DNM3: variants seen among roughly 807,000 people sequenced by gnomAD.
DNM3 encodes dynamin 3, also known as dynamin-3.
A neutral mutation model predicts 101.6 loss-of-function variants in DNM3; 47 were observed. That is an observed-to-expected ratio of 0.46 (90% confidence interval 0.37 to 0.59). The LOEUF (loss-of-function observed/expected upper bound fraction) is 0.59, where lower values mean the gene tolerates loss of function less well. DNM3 is among the 20% of genes least tolerant of loss of function. The pLI, the probability that DNM3 is intolerant of heterozygous loss-of-function variation, is 0.00. For synonymous variants in DNM3, 385 were observed against 387.9 expected (o/e 0.99, Z 0.09); for missense variants, 849 against 1,085.7 (o/e 0.78, Z 3.06).
chr1:172,310,027 C>A (rs2065013866), intron 16 of DNM3: 1 of 152,216 alleles, frequency 6.6e-6, no homozygotes, highest in African/African-American at 2.4e-5. Flanking sequence ...AAACTAGATG[C>A]TTTCCTGTCA....
At chr1:172,070,466 G>C (rs1011918251) in intron 11 of DNM3, among the ~76,000 whole-genome samples, 4 of 152,150 alleles carry the variant, frequency 2.6e-5, no homozygotes, top group Middle Eastern at 3.4e-3. Context: ...AACTCTTTAG[G>C]ATCCGCTGTC....
At chr1:172,027,605 C>G (rs927164658) in intron 4 of DNM3, among the ~76,000 whole-genome samples, 2 of 138,332 alleles carry the variant, frequency 1.4e-5, no homozygotes, top group Non-Finnish European at 3.1e-5. Context: ...CACACACACA[C>G]ACACACACAC....
At chr1:172,245,736 G>A (rs1183872124) in intron 14 of DNM3, among the ~76,000 whole-genome samples, 10 of 152,170 alleles carry the variant, frequency 6.6e-5, no homozygotes, top group African/African-American at 1.2e-4. Flanking sequence ...CCAGCCAGAC[G>A]GAGGTCAGGG....
intron 14 of DNM3, among the ~76,000 whole-genome samples, chr1:172,153,771 C>T (rs2058233451): frequency 1.3e-5 from 2 of 152,076 alleles, no homozygotes; most frequent in African/African-American, 2.4e-5. Flanking sequence ...TTCTTAAAAA[C>T]AAATAGCTCC....
chr1:172,319,797 G>A (rs981556106), intron 16 of DNM3, among the ~76,000 whole-genome samples: 2 of 152,164 alleles, frequency 1.3e-5, no homozygotes, highest in African/African-American at 4.8e-5. Flanking sequence ...CTGTAAACTA[G>A]TTCAACCATT....
chr1:172,351,206 C>T (rs1457963004), intron 17 of DNM3, among the ~76,000 whole-genome samples: 4 of 152,084 alleles, frequency 2.6e-5, no homozygotes, highest in South Asian at 2.1e-4. Context: ...AGATATTACA[C>T]CTTTTGCTTC....
intron 4 of DNM3, among the ~76,000 whole-genome samples, chr1:171,999,981 A>G (rs1349180749): frequency 6.6e-6 from 1 of 152,110 alleles, no homozygotes; most frequent in African/African-American, 2.4e-5. Context: ...ACTGTGAGAC[A>G]ACAAATTCCT....
At chr1:171,870,432 C>G (rs899252414) in intron 1 of DNM3, among the ~76,000 whole-genome samples, 8 of 151,908 alleles carry the variant, frequency 5.3e-5, no homozygotes, top group African/African-American at 1.9e-4. Context: ...GAGTAAGACT[C>G]CCTCCATCTC....
chr1:172,400,395 T>C (rs1269792259), intron 20 of DNM3, among the ~76,000 whole-genome samples: 1 of 148,664 alleles, frequency 6.7e-6, no homozygotes, highest in Admixed American at 6.7e-5. Context: ...GGAGGGGGGA[T>C]AGAAGGGAGA....
rs549692897 is a variant in DNM3, at chr1:172,253,609, C to T, written c.1696C>T (p.Leu566=). The part of the protein sequence containing the change: ...EKKYMLPLDN[L]KVRDVEKSFM... ...GAAGTACATGCTTCCCTTGGACAAC[C>T]TGAAAGTTCGGGATGTGGAAAAGAG... Residue 566 remains leucine (L), a synonymous_variant, in exon 15 of 21, where the codon CTG becomes TTG. Transcript: ENST00000627582. The T allele has an allele frequency of 1.9e-6, 3 of 1,589,822 alleles. No homozygotes were observed.
chr1:171,968,201 A>T (rs1357227638), intron 2 of DNM3, among the ~76,000 whole-genome samples: 1 of 152,344 alleles, frequency 6.6e-6, no homozygotes, highest in East Asian at 1.9e-4. Context: ...TCTGCTATTG[A>T]GGCTTCTAAT....
chr1:171,953,783 G>A (rs1009800992), intron 2 of DNM3, among the ~76,000 whole-genome samples: 1 of 152,098 alleles, frequency 6.6e-6, no homozygotes. Context: ...AATTTTAACT[G>A]AAGGATTTCT....
chr1:172,019,630 G>C (rs1032245199), intron 4 of DNM3, among the ~76,000 whole-genome samples: 2 of 150,242 alleles, frequency 1.3e-5, no homozygotes, highest in African/African-American at 4.9e-5. Context: ...CACCATTCTT[G>C]GATATTCTGT....
At chr1:172,005,257 A>G (rs1005020698) in intron 4 of DNM3, among the ~76,000 whole-genome samples, 4 of 152,118 alleles carry the variant, frequency 2.6e-5, no homozygotes, top group African/African-American at 9.7e-5. Context: ...AGTACTTAGT[A>G]CAGTGTCTGG....
intron 3 of DNM3, among the ~76,000 whole-genome samples, chr1:171,988,697 A>G (rs1406042942): frequency 1.3e-5 from 2 of 152,164 alleles, no homozygotes; most frequent in Non-Finnish European, 2.9e-5. Flanking sequence ...TTCTGAGCAA[A>G]CTGTTAGGCA....
intron 18 of DNM3, 104 bp from the exon 19 acceptor site, chr1:172,387,029 A>G (rs2069222619): frequency 1.0e-6 from 1 of 958,514 alleles, no homozygotes; most frequent in Admixed American, 2.2e-5. Flanking sequence ...ACTTTGGTGG[A>G]CTTTGGTGGA....
intron 1 of DNM3, among the ~76,000 whole-genome samples, chr1:171,865,128 C>T (rs2034586824): frequency 7.6e-6 from 1 of 130,970 alleles, no homozygotes; most frequent in South Asian, 2.3e-4. Flanking sequence ...GAGGTGGCTT[C>T]CTACAAACTA....
chr1:172,112,685 T>C (rs2147956027), intron 13 of DNM3, among the ~76,000 whole-genome samples: 1 of 152,238 alleles, frequency 6.6e-6, no homozygotes, highest in East Asian at 1.9e-4. Context: ...AGGGGAGAAT[T>C]TAATAGCATA....
chr1:172,203,615 T>C (rs2060227014), intron 14 of DNM3, among the ~76,000 whole-genome samples: 1 of 152,196 alleles, frequency 6.6e-6, no homozygotes, highest in Non-Finnish European at 1.5e-5. Context: ...TCACATTATT[T>C]ATCTGTATTT....
Sources: gnomAD v4.1 joint callset for allele counts (sites outside exome capture counted in the v4.1 genomes callset) on GRCh38, gnomAD v4.1.1 for gene constraint, MANE v1.5 for transcripts, NCBI Gene and HGNC (gene_info 2026-07-23, HGNC 2026-07-21) for gene names.